The following SLC25A17 variants were observed in gnomAD, a reference collection of about 807,000 sequenced individuals.
SLC25A17 encodes solute carrier family 25 member 17.
SLC25A17 carries 26 observed loss-of-function variants against 38.5 expected under a neutral mutation model. The ratio of observed to expected loss-of-function variants is 0.68; its 90% confidence interval spans 0.50 to 0.94. The LOEUF (loss-of-function observed/expected upper bound fraction) is 0.94. Ranked by LOEUF, SLC25A17 falls within the 40% of genes least tolerant of loss-of-function variation. SLC25A17 has a pLI of 0.00. For missense variants in SLC25A17, 333 were observed against 372.7 expected (o/e 0.89, Z 0.88); for synonymous variants, 139 against 136.2 (o/e 1.02, Z -0.14).
rs199923219 is a variant in SLC25A17, at chr22:40,799,085, T to C, written c.55-2A>G. On this transcript the variant is annotated splice_acceptor_variant, in intron 1 of 8. Coordinates refer to ENST00000435456, the MANE Select transcript of SLC25A17 (RefSeq NM_006358.4). LOFTEE classifies it high-confidence loss of function. ...CACTGTCATTGCTGTCACGCTTCCC[T>C]GAAAAGTTTGAAAAAGGCCATTACA... 4 of 1,612,332 alleles carry C rather than the reference T, an allele frequency of 2.5e-6. No individual in the cohort carries two copies. The highest frequency in any genetic ancestry group is 3.4e-6 in the Non-Finnish European group (4 of 1,178,966).
intron 1 of SLC25A17, among the ~76,000 whole-genome samples, chr22:40,808,420 TCTCTGACTC>T (rs1389776797): frequency 6.6e-6 from 1 of 152,192 alleles, no homozygotes; most frequent in Non-Finnish European, 1.5e-5. Context: ...ACAACCAAGA[TCTCTGACTC>T]CTACTCCTAC....
chr22:40,790,985 C>T (rs1464228859), intron 4 of SLC25A17, among the ~76,000 whole-genome samples: 1 of 152,106 alleles, frequency 6.6e-6, no homozygotes, highest in Non-Finnish European at 1.5e-5. Context: ...AACTTGAGTT[C>T]TTTGAGTCGT....
intron 2 of SLC25A17, among the ~76,000 whole-genome samples, chr22:40,796,182 G>A (rs1215761351): frequency 6.6e-6 from 1 of 152,106 alleles, no homozygotes; most frequent in Admixed American, 6.5e-5. Context: ...GTTTTTCCTG[G>A]CATTCTCACT....
chr22:40,814,898 C>T (rs1042574691), intron 1 of SLC25A17, among the ~76,000 whole-genome samples: 3 of 151,798 alleles, frequency 2.0e-5, no homozygotes, highest in African/African-American at 7.3e-5. Context: ...TGGCTCACTG[C>T]AAGCTCCACC....
chr22:40,799,324 A>G (rs1011137275), intron 1 of SLC25A17, among the ~76,000 whole-genome samples: 4 of 150,284 alleles, frequency 2.7e-5, no homozygotes, highest in Non-Finnish European at 4.4e-5. Flanking sequence ...TTCTGTAAAG[A>G]TGGGGGTCTC....
chr22:40,794,425 GAA>G, intron 3 of SLC25A17, 87 bp downstream of exon 3: 1 of 766,272 alleles, frequency 1.3e-6, no homozygotes, highest in Non-Finnish European at 2.3e-6. Flanking sequence ...AGTGCTGTGA[GAA>G]AGATAGAAAG....
chr22:40,787,151 A>T (rs537466898), intron 4 of SLC25A17, among the ~76,000 whole-genome samples: 1 of 152,358 alleles, frequency 6.6e-6, no homozygotes, highest in Admixed American at 6.5e-5. Flanking sequence ...AAACAAGGAA[A>T]GATTCCTGAA....
Position 40,801,128 on chromosome 22 carries a change from C to CATACATAT in SLC25A17, c.55-2046_55-2045insATATGTAT, listed in dbSNP as rs371313528. ...AAAGAAAAAAGAAAAAAATATATTACATATATATATATATATATATATATA... is the reference window on the plus strand; with the variant it reads ...AAAGAAAAAAGAAAAAAATATATTACATACATATATATATATATATATATATATATATA... On this transcript the variant is annotated intron_variant, in intron 1 of 8. Transcript: ENST00000435456. Among the ~76,000 whole-genome samples, 5 of 101,202 alleles carry CATACATAT rather than the reference C, an allele frequency of 4.9e-5. No individual in the cohort carries two copies. The East Asian group carries it at 2.3e-3, about 47-fold the overall frequency. 66.4% of individuals were successfully genotyped at this position (101,202 alleles called of 152,430 possible). A position where few individuals can be genotyped will look rare whatever the true frequency, so the allele number is the denominator to read the frequency against.
chr22:40,779,305 T>A, intron 4 of SLC25A17, 180 bp from the exon 5 acceptor site: 1 of 1,445,272 alleles, frequency 6.9e-7, no homozygotes, highest in South Asian at 1.5e-5. Context: ...TAGAAGCGAT[T>A]TGGAAGCTTT....
At chr22:40,806,257 A>G (rs910016528) in intron 1 of SLC25A17, among the ~76,000 whole-genome samples, 1 of 152,236 alleles carries the variant, frequency 6.6e-6, no homozygotes, top group South Asian at 2.1e-4. Flanking sequence ...GAAAGGGTAC[A>G]CACACATACA....
intron 1 of SLC25A17, among the ~76,000 whole-genome samples, chr22:40,805,384 G>T (rs894666857): frequency 6.6e-6 from 1 of 152,230 alleles, no homozygotes; most frequent in African/African-American, 2.4e-5. Flanking sequence ...GAATACAGAA[G>T]AGTAGTTGGA....
At chr22:40,804,027 C>A (rs1449397176) in intron 1 of SLC25A17, among the ~76,000 whole-genome samples, 1 of 152,032 alleles carries the variant, frequency 6.6e-6, no homozygotes, top group Non-Finnish European at 1.5e-5. Context: ...TATTAGATAT[C>A]ATCAAGAGCT....
rs746456243 is a variant in SLC25A17 at position 40,792,633 on chromosome 22, A to G, written c.226T>C (p.Cys76Arg). The change falls in exon 4 of 9, where the codon TGC (cysteine) becomes CGC (arginine). Residue 76 changes from cysteine to arginine, a missense_variant. By Grantham distance (180) the Cys-to-Arg change is radical. Transcript: ENST00000435456. Reference sequence around the variant, plus strand: ...TAGAAATAGACAAAATTGGAGCAGCAGAGACTGGAAATCACTGGAAACCAC... The same window carrying G: ...TAGAAATAGACAAAATTGGAGCAGCGGAGACTGGAAATCACTGGAAACCAC... Reference protein sequence around the residue: ...RGWFPVISSLCCSNFVYFYTF... With the variant: ...RGWFPVISSLRCSNFVYFYTF... 6 of 1,614,126 alleles carry G rather than the reference A, an allele frequency of 3.7e-6. No individual in the cohort carries two copies. The South Asian group carries it at 6.6e-5, about 18-fold the overall frequency.
At chr22:40,816,238 G>A (rs1269555931) in intron 1 of SLC25A17, among the ~76,000 whole-genome samples, 1 of 151,162 alleles carries the variant, frequency 6.6e-6, no homozygotes, top group African/African-American at 2.4e-5. Context: ...AAGAAAAAAA[G>A]AGAAAAATAG....
rs371543259 is a variant in SLC25A17, at chr22:40,777,092, G to A, written c.641C>T (p.Ala214Val). The change falls in exon 7 of 9, where the codon GCG becomes GTG. Residue 214 changes from alanine to valine, a missense_variant. By Grantham distance (64) the Ala-to-Val change is moderately conservative (BLOSUM62 0). Coordinates refer to ENST00000435456, the MANE Select transcript of SLC25A17 (RefSeq NM_006358.4). ...DVFIIGAVAK[A>V]IATTVTYPLQ... ...GGGATAGGTCACCGTGGTGGCAATC[G>A]CTTTGGCTACTGCACCAATGATGAA... 8.7e-6 allele frequency: 14 copies of A among 1,614,010 alleles called. No homozygotes were observed. In the African/African-American group the frequency reaches 1.2e-4, roughly 14 times the overall value.
At chr22:40,804,425 G>T (rs1195275564) in intron 1 of SLC25A17, among the ~76,000 whole-genome samples, 4 of 152,124 alleles carry the variant, frequency 2.6e-5, no homozygotes, top group African/African-American at 9.7e-5. Flanking sequence ...ATATCCCATT[G>T]TGATTCTGAC....
chr22:40,777,782 CAAA>C (rs76343843), intron 5 of SLC25A17, among the ~76,000 whole-genome samples: 4 of 90,264 alleles, frequency 4.4e-5, no homozygotes, highest in Admixed American at 1.2e-4. Flanking sequence ...ACTCCATTTC[CAAA>C]AAAAAAAAAA....
intron 1 of SLC25A17, among the ~76,000 whole-genome samples, chr22:40,813,092 G>C (rs1180395766): frequency 2.0e-5 from 3 of 152,146 alleles, no homozygotes; most frequent in African/African-American, 7.2e-5. Context: ...CCTCATGGAT[G>C]ACACTCTCGA....
intron 1 of SLC25A17, among the ~76,000 whole-genome samples, chr22:40,810,014 T>C (rs2057565122): frequency 6.6e-6 from 1 of 152,174 alleles, no homozygotes; most frequent in South Asian, 2.1e-4. Context: ...TTTAAAATGA[T>C]GGGCTGTGAT....
Sources: gnomAD v4.1 joint callset for allele counts (sites outside exome capture counted in the v4.1 genomes callset) on GRCh38, gnomAD v4.1.1 for gene constraint, MANE v1.5 for transcripts, NCBI Gene and HGNC (gene_info 2026-07-23, HGNC 2026-07-21) for gene names.